Variants in ARHGAP39 observed in about 807,000 individuals in gnomAD.
ARHGAP39 encodes Rho GTPase activating protein 39.
In ARHGAP39, 44 loss-of-function variants were observed where a neutral mutation model predicts 106.9. That is an observed-to-expected ratio of 0.41 (90% CI 0.32 to 0.53). The LOEUF (loss-of-function observed/expected upper bound fraction) is 0.53. Among genes scored for constraint, ARHGAP39 ranks in the 20% least tolerant of loss-of-function variants. The pLI is 0.21. For missense variants in ARHGAP39, 1,496 were observed against 1,577.3 expected (o/e 0.95, Z 0.87); for synonymous variants, 768 against 693.2 (o/e 1.11, Z -1.69).
intron 2 of ARHGAP39, among the ~76,000 whole-genome samples, chr8:144,593,534 T>C (rs184772693): frequency 6.6e-6 from 1 of 152,266 alleles, no homozygotes; most frequent in African/African-American, 2.4e-5. Context: ...TTCTGAGCTA[T>C]GACACCAAAA....
Position 144,537,737 on chromosome 8 carries a change from A to G in ARHGAP39, c.2598T>C (p.Tyr866=). The change falls in exon 7 of 12, where the codon TAT becomes TAC. Residue 866 remains tyrosine, a synonymous_variant. Transcript: ENST00000377307. ...AGGCCCTACCATCCGGCTCTTCAACATAAGGCTTGGGTTTCTTTCTCAATT... is the reference window on the plus strand; with the variant it reads ...AGGCCCTACCATCCGGCTCTTCAACGTAAGGCTTGGGTTTCTTTCTCAATT... ...KSKLRKKPKP[Y]VEEPDGVAIS... 6.2e-7 allele frequency: 1 copy of G among 1,614,038 alleles called. No individual in the cohort carries two copies. The highest frequency in any genetic ancestry group is 8.5e-7 in the Non-Finnish European group (1 of 1,179,950).
intron 1 of ARHGAP39, among the ~76,000 whole-genome samples, chr8:144,649,015 G>A (rs1411020535): frequency 6.6e-6 from 1 of 152,140 alleles, no homozygotes; most frequent in Non-Finnish European, 1.5e-5. Flanking sequence ...AAACTGACCT[G>A]AAGGAAATCG....
chr8:144,532,102 A>G (rs1184207985), intron 10 of ARHGAP39, among the ~76,000 whole-genome samples: 1 of 152,184 alleles, frequency 6.6e-6, no homozygotes, highest in Non-Finnish European at 1.5e-5. Context: ...AGTGGGCTGC[A>G]TTGCACAGGT....
rs928849541 is a variant in ARHGAP39, at chr8:144,653,924, G to A, written c.-82+31762C>T. On this transcript the variant is annotated intron_variant, in intron 1 of 11. Transcript: ENST00000377307. ...AAGGGAAACAAACAAGGTGAAACCCGCTCCCAGCCCGGCTCTGTGCAGGCA... is the reference window on the plus strand; with the variant it reads ...AAGGGAAACAAACAAGGTGAAACCCACTCCCAGCCCGGCTCTGTGCAGGCA... 7.2e-5 allele frequency among the ~76,000 whole-genome samples: 11 copies of A among 152,234 alleles called. 1 individual carries two copies. Among genetic ancestry groups the A allele is most frequent in the Admixed American group, 5.2e-4 (8 of 15,288 alleles).
intron 1 of ARHGAP39, among the ~76,000 whole-genome samples, chr8:144,649,141 T>C (rs1782233053): frequency 6.6e-6 from 1 of 151,980 alleles, no homozygotes. Context: ...AAGATCCAAA[T>C]AAACACAATT....
At chr8:144,536,718 G>A (rs1408180544) in intron 7 of ARHGAP39, among the ~76,000 whole-genome samples, 1 of 152,196 alleles carries the variant, frequency 6.6e-6, no homozygotes, top group Non-Finnish European at 1.5e-5. Flanking sequence ...GAGGTGCCAG[G>A]GTGAGGACAA....
chr8:144,558,713 C>A (rs1026503919), intron 3 of ARHGAP39, among the ~76,000 whole-genome samples: 3 of 152,092 alleles, frequency 2.0e-5, no homozygotes, highest in South Asian at 2.1e-4. Flanking sequence ...CTGCTCCCTG[C>A]AAAAAGCCCC....
chr8:144,636,526 C>T (rs751440453), intron 1 of ARHGAP39, among the ~76,000 whole-genome samples: 2 of 152,222 alleles, frequency 1.3e-5, no homozygotes, highest in Non-Finnish European at 2.9e-5. Flanking sequence ...GCGATGCAGG[C>T]GATGTGAAGA....
intron 3 of ARHGAP39, among the ~76,000 whole-genome samples, chr8:144,570,888 T>C (rs187902073): frequency 5.3e-4 from 80 of 152,068 alleles, no homozygotes; most frequent in African/African-American, 1.8e-3. Flanking sequence ...CTAGAAGAAA[T>C]TGATAAATTC....
intron 1 of ARHGAP39, among the ~76,000 whole-genome samples, chr8:144,616,727 G>A (rs544950139): frequency 6.6e-6 from 1 of 152,378 alleles, no homozygotes; most frequent in East Asian, 1.9e-4. Flanking sequence ...GGGTGCAGGA[G>A]GACCTGGGTC....
chr8:144,611,197 A>G (rs1051560076), intron 1 of ARHGAP39, among the ~76,000 whole-genome samples: 1 of 152,192 alleles, frequency 6.6e-6, no homozygotes, highest in Non-Finnish European at 1.5e-5. Context: ...CATCTTCCAG[A>G]TATTTTTTAT....
intron 1 of ARHGAP39, among the ~76,000 whole-genome samples, chr8:144,620,948 G>C (rs927648573): frequency 1.3e-5 from 2 of 152,270 alleles, no homozygotes; most frequent in Non-Finnish European, 2.9e-5. Context: ...ACTGGAAAAC[G>C]CCAGGCACAG....
chr8:144,547,295 C>A lies in ARHGAP39; in HGVS notation c.1791G>T (p.Gly597=), dbSNP rs1159852925. ...CCTCGCTGAAGGCCCGCACCACCGGCCCGGGCATGGGCAGTGGCAGGGCGC... is the reference window on the plus strand; with the variant it reads ...CCTCGCTGAAGGCCCGCACCACCGGACCGGGCATGGGCAGTGGCAGGGCGC... ...SDGALPLPMP[G]PVVRAFSEDE... is the part of the protein sequence containing the mutation. Residue 597 remains glycine, a synonymous_variant, in exon 5 of 12, where the codon GGG becomes GGT. Coordinates refer to ENST00000377307, the MANE Select transcript of ARHGAP39 (RefSeq NM_025251.3). This position sits in a 1 kb window ranked among gnomAD's most constrained non-coding sequence, Gnocchi z 5.2. 6.2e-7 allele frequency: 1 copy of A among 1,611,906 alleles called. No individual in the cohort carries two copies. Among genetic ancestry groups the A allele is most frequent in the Non-Finnish European group, 8.5e-7 (1 of 1,179,676 alleles).
intron 4 of ARHGAP39, among the ~76,000 whole-genome samples, chr8:144,549,561 T>C (rs1199355483): frequency 6.6e-6 from 1 of 152,170 alleles, no homozygotes; most frequent in Non-Finnish European, 1.5e-5. Flanking sequence ...GGCACGGTCT[T>C]GCCTCACTGT....
At chr8:144,601,770 T>TGCGTGGAGGCATGCGTGTGTGC (rs1819971605) in intron 2 of ARHGAP39, among the ~76,000 whole-genome samples, 1 of 144,598 alleles carries the variant, frequency 6.9e-6, no homozygotes, top group Non-Finnish European at 1.5e-5. Context: ...CCTGTGTGTG[T>TGCGTGGAGGCATGCGTGTGTGC]GCGTGGAGGC....
intron 1 of ARHGAP39, among the ~76,000 whole-genome samples, chr8:144,668,355 A>C (rs1285080999): frequency 6.6e-6 from 1 of 151,834 alleles, no homozygotes; most frequent in Non-Finnish European, 1.5e-5. Context: ...GTGGGAGGAG[A>C]GCTTGAGCCC....
In ARHGAP39 at chr8:144,530,758, G is replaced by A; in HGVS notation, c.3094C>T (p.His1032Tyr). Reference sequence around the variant, plus strand: ...ATGCGGTTGATGCGGGGCAGCGCGTGCACCACGGCCACCGCCGCCTCGGGG... The same window carrying A: ...ATGCGGTTGATGCGGGGCAGCGCGTACACCACGGCCACCGCCGCCTCGGGG... Reference protein sequence around the residue: ...DSPEAAVAVVHALPRINRMVL... With the variant: ...DSPEAAVAVVYALPRINRMVL... Residue 1032 changes from histidine (H) to tyrosine (Y), a missense_variant, in exon 11 of 12, where the codon CAC (histidine) becomes TAC (tyrosine). Around this residue, in one of 4 missense-constraint regions of ARHGAP39, gnomAD observed 470 missense variants for 605.1 expected, o/e 0.78. Transcript: ENST00000377307. 6 of 1,610,794 alleles carry A rather than the reference G, an allele frequency of 3.7e-6. No homozygotes were observed. Among genetic ancestry groups the A allele is most frequent in the Non-Finnish European group, 5.1e-6 (6 of 1,179,134 alleles).
chr8:144,646,819 G>C lies in ARHGAP39; in HGVS notation c.-82+38867C>G, dbSNP rs748580083. Reference sequence around the variant, plus strand: ...ACTGCACGTGAGGAAACAAGGCCTTGGGTTTTTCTCCACCACACTTGCTGC... The same window carrying C: ...ACTGCACGTGAGGAAACAAGGCCTTCGGTTTTTCTCCACCACACTTGCTGC... On this transcript the variant is annotated intron_variant, in intron 1 of 11. Transcript: ENST00000377307. This position sits in a 1 kb window ranked among gnomAD's most constrained non-coding sequence, Gnocchi z 5.7. Among the ~76,000 whole-genome samples the C allele has an allele frequency of 6.6e-6, 1 of 152,184 alleles. No homozygotes were observed. Among genetic ancestry groups the C allele is most frequent in the Non-Finnish European group, 1.5e-5 (1 of 68,038 alleles).
chr8:144,581,013 G>A lies in ARHGAP39; in HGVS notation c.345C>T (p.Ser115=), dbSNP rs1440659134. ...GGCTGCTCTCCGCCGAGGCGCGCGG[G>A]GACTCCGTGTTCTGCTTCAGCGTCT... ...KLQTLKQNTE[S]PRASAESSPG... is the part of the protein sequence containing the mutation. Residue 115 remains serine, a synonymous_variant, in exon 3 of 12, where the codon TCC becomes TCT. Coordinates refer to ENST00000377307, the MANE Select transcript of ARHGAP39 (RefSeq NM_025251.3). 5.7e-6 allele frequency: 9 copies of A among 1,589,378 alleles called. No homozygotes were observed. Among genetic ancestry groups the A allele is most frequent in the Non-Finnish European group, 7.7e-6 (9 of 1,168,478 alleles).
Sources: allele counts gnomAD v4.1 joint callset (sites outside exome capture counted in the v4.1 genomes callset), GRCh38; gene constraint gnomAD v4.1.1; regional missense constraint gnomAD v4.1.1; non-coding constraint Gnocchi (gnomAD v3.1); transcripts MANE v1.5; gene names NCBI Gene and HGNC (gene_info 2026-07-23, HGNC 2026-07-21).